TTLL9: variants seen among roughly 807,000 people sequenced by gnomAD.
TTLL9 encodes the protein tubulin tyrosine ligase like 9.
In TTLL9, 47 loss-of-function variants were observed where a neutral mutation model predicts 65.6. The observed-to-expected ratio is 0.72, with a 90% CI of 0.57 to 0.91. TTLL9 has a LOEUF of 0.91. Ranked by LOEUF, TTLL9 falls within the 40% of genes least tolerant of loss-of-function variation. TTLL9 has a pLI of 0.00. For missense variants in TTLL9, 537 were observed against 568.8 expected (o/e 0.94, Z 0.57); for synonymous variants, 179 against 204.8 (o/e 0.87, Z 1.07).
intron 4 of TTLL9, among the ~76,000 whole-genome samples, chr20:31,901,780 C>T (rs1186429513): frequency 6.6e-6 from 1 of 152,230 alleles, no homozygotes; most frequent in Admixed American, 6.5e-5. Context: ...CACAGGGTGA[C>T]TCCACCCAGC....
chr20:31,917,850 G>A (rs756256500), intron 6 of TTLL9, among the ~76,000 whole-genome samples: 29 of 152,174 alleles, frequency 1.9e-4, no homozygotes, highest in Non-Finnish European at 3.2e-4. Flanking sequence ...GGCTGAGTTA[G>A]GTCAGAGCCA....
chr20:31,887,655 G>A (rs1362156001), intron 3 of TTLL9, among the ~76,000 whole-genome samples: 3 of 152,072 alleles, frequency 2.0e-5, no homozygotes, highest in African/African-American at 7.2e-5. Context: ...GCTGTGCTCT[G>A]ATCTTCTGCT....
chr20:31,877,803 T>C (rs569805970), intron 2 of TTLL9, among the ~76,000 whole-genome samples: 1 of 152,330 alleles, frequency 6.6e-6, no homozygotes, highest in Admixed American at 6.5e-5. Flanking sequence ...ATATACACAT[T>C]GTTCTTTTGA....
chr20:31,920,946 G>A (rs886828867), intron 7 of TTLL9, among the ~76,000 whole-genome samples: 4 of 152,250 alleles, frequency 2.6e-5, no homozygotes, highest in Admixed American at 6.5e-5. Flanking sequence ...GCGAGGTGCT[G>A]TGCAGATGCA....
rs547898710 is a variant in TTLL9 at position 31,937,590 on chromosome 20, C to T, written c.1118+81C>T. On this transcript the variant is annotated intron_variant, in intron 13 of 14. Transcript: ENST00000535842. Reference sequence around the variant, plus strand: ...CCAAGGAAGAGGGGGAGCTTAGAACCTTGGGGCCTGAGTGGCCCTCAGCGA... The same window carrying T: ...CCAAGGAAGAGGGGGAGCTTAGAACTTTGGGGCCTGAGTGGCCCTCAGCGA... 1.8e-5 allele frequency: 21 copies of T among 1,174,422 alleles called. No individual in the cohort carries two copies. The South Asian group carries it at 2.8e-4, about 16-fold the overall frequency. The allele number at this position is 1,174,422 out of a possible 1,614,324, so 72.8% of individuals were successfully genotyped here.
At chr20:31,890,100 C>T (rs145008572) in intron 3 of TTLL9, among the ~76,000 whole-genome samples, 7,543 of 49,644 alleles carry the variant, frequency 0.15, 1,473 homozygotes, top group African/African-American at 0.36. Flanking sequence ...TTCTTTCCCT[C>T]CCTTCCTTCC....
At chr20:31,880,176 A>G (rs780430109) in intron 2 of TTLL9, among the ~76,000 whole-genome samples, 26 of 152,172 alleles carry the variant, frequency 1.7e-4, no homozygotes, top group Non-Finnish European at 3.1e-4. Flanking sequence ...AGTTTACACA[A>G]CAGTGGGACT....
chr20:31,883,035 G>A (rs2063140366), intron 2 of TTLL9, among the ~76,000 whole-genome samples: 1 of 152,034 alleles, frequency 6.6e-6, no homozygotes, highest in Non-Finnish European at 1.5e-5. Context: ...GGGCCCACTG[G>A]GCAAGGAGTT....
intron 4 of TTLL9, among the ~76,000 whole-genome samples, chr20:31,908,304 T>C (rs1395961586): frequency 6.6e-6 from 1 of 151,864 alleles, no homozygotes; most frequent in African/African-American, 2.4e-5. Flanking sequence ...TCTGAAGGGG[T>C]GGCTGCTCCT....
Position 31,943,573 on chromosome 20 carries a change from C to G in TTLL9, c.*552C>G. 2.7e-6 allele frequency: 1 copy of G among 364,438 alleles called. No homozygotes were observed. Among genetic ancestry groups the G allele is most frequent in the South Asian group, 2.1e-5 (1 of 48,738 alleles). The allele number at this position is 364,438 out of a possible 1,614,324, so 22.6% of individuals were successfully genotyped here. A position where few individuals can be genotyped will look rare whatever the true frequency, so the allele number is the denominator to read the frequency against. ...ATTGGGGGCCTGGGGAAGTACTGAG[C>G]CCTAAACACATCCTCTTCTCCTTGC... On this transcript the variant is annotated 3_prime_UTR_variant, in exon 15 of 15. Transcript: ENST00000535842.
In TTLL9 at chr20:31,943,945, A is replaced by AG. The variant is rs2064269625; in HGVS notation, c.*930dup. On this transcript the variant is annotated 3_prime_UTR_variant, in exon 15 of 15. Transcript: ENST00000535842. ...TCGGGGCTGTTGGGGTAACTGTTCC[A>AG]GGGGGGACTTACTCCCTCTACCACT... The AG allele has an allele frequency of 7.2e-6, 3 of 413,800 alleles. No individual in the cohort carries two copies. Among genetic ancestry groups the AG allele is most frequent in the East Asian group, 7.1e-5 (1 of 14,132 alleles). The allele number at this position is 413,800 out of a possible 1,614,324, so 25.6% of individuals were successfully genotyped here.
intron 2 of TTLL9, among the ~76,000 whole-genome samples, chr20:31,872,221 C>T (rs934337610): frequency 3.3e-5 from 5 of 152,112 alleles, no homozygotes; most frequent in Non-Finnish European, 7.3e-5. Context: ...GGCATTTGAG[C>T]TGAGAGGTGA....
chr20:31,923,135 C>A, intron 8 of TTLL9, 82 bp downstream of exon 8: 1 of 1,107,450 alleles, frequency 9.0e-7, no homozygotes, highest in Non-Finnish European at 1.4e-6. Context: ...AGCAGCCTGC[C>A]AAGGGCCCAG....
At chr20:31,892,519 A>T (rs576781355) in intron 3 of TTLL9, among the ~76,000 whole-genome samples, 2 of 152,304 alleles carry the variant, frequency 1.3e-5, no homozygotes, top group South Asian at 4.1e-4. Flanking sequence ...ATGTACTGAG[A>T]TGAGTAGTAG....
rs760065893 is a variant in TTLL9, at chr20:31,937,358, G to A, written c.1005-38G>A. On this transcript the variant is annotated intron_variant, in intron 12 of 14. Coordinates refer to ENST00000535842, the MANE Select transcript of TTLL9 (RefSeq NM_001008409.5). ...TGAAATCCTAGGGGCTCCAGGGACC[G>A]AGTAACCCTAAGACTCTCTACTCCC... 2.5e-5 allele frequency: 38 copies of A among 1,529,044 alleles called. No individual in the cohort carries two copies. The African/African-American group carries it at 3.8e-4, about 15-fold the overall frequency. The allele number at this position is 1,529,044 out of a possible 1,614,324, so 94.7% of individuals were successfully genotyped here.
intron 14 of TTLL9, chr20:31,940,287 T>C (rs1485972413): frequency 6.6e-6 from 1 of 152,262 alleles, no homozygotes; most frequent in African/African-American, 2.4e-5. Flanking sequence ...CATTGATTAC[T>C]GGTGAGGTTT....
chr20:31,916,343 C>G (rs935361042), intron 6 of TTLL9, among the ~76,000 whole-genome samples: 1 of 152,216 alleles, frequency 6.6e-6, no homozygotes, highest in Non-Finnish European at 1.5e-5. Context: ...TTCTGGAGAA[C>G]ATATGGGACA....
intron 3 of TTLL9, among the ~76,000 whole-genome samples, chr20:31,887,499 C>T (rs1400314927): frequency 3.9e-5 from 6 of 152,142 alleles, no homozygotes; most frequent in Non-Finnish European, 5.9e-5. Flanking sequence ...GATGGAGAAA[C>T]GGAAGCTCAA....
intron 9 of TTLL9, among the ~76,000 whole-genome samples, chr20:31,925,278 T>G (rs1018136582): frequency 2.0e-5 from 3 of 152,182 alleles, no homozygotes; most frequent in African/African-American, 4.8e-5. Flanking sequence ...CTGCCCTTCT[T>G]TATTCATTCG....
Sources: allele counts gnomAD v4.1 joint callset (sites outside exome capture counted in the v4.1 genomes callset), GRCh38; gene constraint gnomAD v4.1.1; transcripts MANE v1.5; gene names NCBI Gene and HGNC (gene_info 2026-07-23, HGNC 2026-07-21).